The following KNTC1 variants were observed in gnomAD, a reference collection of about 807,000 sequenced individuals.
The protein encoded by KNTC1 is kinetochore associated 1, also known as kinetochore-associated protein 1.
In KNTC1, 253 loss-of-function variants were observed where a neutral mutation model predicts 314.4. That is an observed-to-expected ratio of 0.80 (90% CI 0.73 to 0.89). KNTC1 has a LOEUF of 0.89. KNTC1 is among the 40% of genes least tolerant of loss of function. KNTC1 has a pLI of 0.00. For missense variants in KNTC1, 2,475 were observed against 2,572.9 expected (o/e 0.96, Z 0.82); for synonymous variants, 901 against 901.4 (o/e 1.00, Z 0.01).
chr12:122,548,100 A>C, intron 12 of KNTC1, 131 bp downstream of exon 12: 1 of 546,346 alleles, frequency 1.8e-6, no homozygotes, highest in Non-Finnish European at 3.1e-6. Context: ...AATCAGAAAT[A>C]AACCTGCAGA....
chr12:122,611,935 G>C (rs1873175625), intron 53 of KNTC1, among the ~76,000 whole-genome samples: 1 of 150,944 alleles, frequency 6.6e-6, no homozygotes, highest in Non-Finnish European at 1.5e-5. Flanking sequence ...TTTTTCTTGA[G>C]TATTTTTGAT....
At chr12:122,609,568 C>T (rs1299427810) in intron 52 of KNTC1, 138 bp downstream of exon 52, 2 of 589,320 alleles carry the variant, frequency 3.4e-6, no homozygotes, top group Non-Finnish European at 5.9e-6. Flanking sequence ...TGAATCAGTT[C>T]ACTAATACGT....
chr12:122,609,914 A>G (rs1872937798), intron 52 of KNTC1, among the ~76,000 whole-genome samples: 1 of 152,210 alleles, frequency 6.6e-6, no homozygotes, highest in African/African-American at 2.4e-5. Flanking sequence ...GTCAGAACGA[A>G]TGTGGCAATC....
intron 41 of KNTC1, 85 bp downstream of exon 41, chr12:122,590,820 T>A: frequency 7.5e-7 from 1 of 1,331,240 alleles, no homozygotes; most frequent in Non-Finnish European, 1.0e-6. Context: ...CACCTGTTCT[T>A]AAAGATTTAG....
chr12:122,535,472 T>C (rs1961720710), intron 3 of KNTC1, among the ~76,000 whole-genome samples: 1 of 152,100 alleles, frequency 6.6e-6, no homozygotes, highest in South Asian at 2.1e-4. Context: ...GAAATCCCGT[T>C]TTCTCTACTA....
chr12:122,576,658 C>T (rs1037382686), intron 29 of KNTC1, among the ~76,000 whole-genome samples: 2 of 151,632 alleles, frequency 1.3e-5, no homozygotes, highest in African/African-American at 2.4e-5. Flanking sequence ...TGTAGCCTGG[C>T]GACAGAGGGA....
intron 18 of KNTC1, among the ~76,000 whole-genome samples, 176 bp from the exon 19 acceptor site, chr12:122,561,745 C>A (rs1186077544): frequency 6.6e-6 from 1 of 152,068 alleles, no homozygotes; most frequent in Non-Finnish European, 1.5e-5. Context: ...TGAGCCACTG[C>A]CCCCAGGCAA....
At chr12:122,551,225 G>T in intron 13 of KNTC1, 94 bp from the exon 14 acceptor site, 1 of 810,302 alleles carries the variant, frequency 1.2e-6, no homozygotes, top group East Asian at 2.7e-5. Context: ...GTCCATTGAT[G>T]GATAATTCAT....
At chr12:122,579,879 A>T in intron 31 of KNTC1, 26 bp from the exon 32 acceptor site, 1 of 1,529,912 alleles carries the variant, frequency 6.5e-7, no homozygotes, top group African/African-American at 1.4e-5. Flanking sequence ...AGTAGATTTT[A>T]TTTCGCTTTA....
At chr12:122,572,597 CT>C (rs978227021) in intron 24 of KNTC1, among the ~76,000 whole-genome samples, 2 of 151,864 alleles carry the variant, frequency 1.3e-5, no homozygotes, top group African/African-American at 4.8e-5. Flanking sequence ...AATGTTATGC[CT>C]TTATATCTGG....
intron 2 of KNTC1, 84 bp from the exon 3 acceptor site, chr12:122,534,580 T>C (rs1565927203): frequency 7.7e-7 from 1 of 1,297,766 alleles, no homozygotes; most frequent in African/African-American, 1.5e-5. Flanking sequence ...GTGGGATATT[T>C]GGGAATTTGA....
chr12:122,565,397 G>A (rs1964263157), intron 20 of KNTC1, among the ~76,000 whole-genome samples: 3 of 151,896 alleles, frequency 2.0e-5, no homozygotes, highest in South Asian at 4.2e-4. Context: ...TGGGATTACT[G>A]GCATGAGCCA....
chr12:122,541,104 C>T (rs1000360971), intron 5 of KNTC1, among the ~76,000 whole-genome samples: 2 of 152,032 alleles, frequency 1.3e-5, no homozygotes, highest in African/African-American at 4.8e-5. Context: ...CTGCAGTGAG[C>T]TGCGATCGCT....
intron 21 of KNTC1, among the ~76,000 whole-genome samples, chr12:122,569,372 G>A (rs550810716): frequency 3.9e-5 from 6 of 152,298 alleles, no homozygotes; most frequent in South Asian, 4.1e-4. Context: ...ATAACTTGCC[G>A]TGATGCCCTT....
chr12:122,590,696 G>T lies in KNTC1; in HGVS notation c.4089G>T (p.Lys1363Asn). Residue 1363 changes from lysine (K) to asparagine (N), a missense_variant, in exon 41 of 64, where the codon AAG (lysine) becomes AAT (asparagine). Coordinates refer to ENST00000333479, the MANE Select transcript of KNTC1 (RefSeq NM_014708.6). ...PQKDVFENLW[K>N]LIDKAWQNYD... ...AAGATGTGTTTGAAAATCTCTGGAA[G>T]CTCATAGATAAAGCATGGCAGAATT... 4 of 1,613,458 alleles carry T rather than the reference G, an allele frequency of 2.5e-6. No homozygotes were observed. The highest frequency in any genetic ancestry group is 3.4e-6 in the Non-Finnish European group (4 of 1,179,606).
chr12:122,615,222 A>T (rs878893776), intron 56 of KNTC1, 136 bp downstream of exon 56: 21 of 761,784 alleles, frequency 2.8e-5, no homozygotes, highest in Non-Finnish European at 4.4e-5. Flanking sequence ...GCTCATGCCA[A>T]ACTTAAAGAA....
Position 122,626,244 on chromosome 12 carries a change from T to G in KNTC1, c.*16T>G. On this transcript the variant is annotated 3_prime_UTR_variant, in exon 64 of 64. Coordinates refer to ENST00000333479, the MANE Select transcript of KNTC1 (RefSeq NM_014708.6). The stretch of plus-strand genomic sequence containing the variant: ...ATTATCGTAAATCACTGAACCTTTT[T>G]TTCAAGAAGGACAAGAATTTTGGAG... The G allele has an allele frequency of 6.3e-7, 1 of 1,576,288 alleles. No homozygotes were observed.
At chr12:122,602,445 T>C (rs1872050071) in intron 45 of KNTC1, 124 bp from the exon 46 acceptor site, 1 of 610,292 alleles carries the variant, frequency 1.6e-6, no homozygotes. Flanking sequence ...AAGGTTTTGA[T>C]CCTCTTTCTG....
intron 40 of KNTC1, among the ~76,000 whole-genome samples, chr12:122,590,281 T>C (rs1489482793): frequency 3.3e-5 from 5 of 152,148 alleles, no homozygotes; most frequent in Non-Finnish European, 5.9e-5. Context: ...TATAGCTCTT[T>C]ACCCCTAAAT....
Sources: gnomAD v4.1 joint callset for allele counts (sites outside exome capture counted in the v4.1 genomes callset) on GRCh38, gnomAD v4.1.1 for gene constraint, MANE v1.5 for transcripts, NCBI Gene and HGNC (gene_info 2026-07-23, HGNC 2026-07-21) for gene names.